Variants in ROBO1 observed in about 807,000 individuals in gnomAD.
ROBO1 encodes roundabout guidance receptor 1, also known as roundabout homolog 1.
A neutral mutation model predicts 195.9 loss-of-function variants in ROBO1; 149 were observed. That is an observed-to-expected ratio of 0.76 (90% CI 0.67 to 0.87). The LOEUF (loss-of-function observed/expected upper bound fraction) is 0.87. Among genes scored for constraint, ROBO1 ranks in the 40% least tolerant of loss-of-function variants. The pLI, the probability that ROBO1 is intolerant of heterozygous loss-of-function variation, is 0.00. For missense variants in ROBO1, 1,933 were observed against 2,068.3 expected, an observed-to-expected ratio of 0.93 and a Z score of 1.27; for synonymous variants, 816 against 733.2, an observed-to-expected ratio of 1.11 and a Z score of -1.82.
At chr3:79,175,905 T>G (rs1277280279) in intron 2 of ROBO1, among the ~76,000 whole-genome samples, 1 of 152,150 alleles carries the variant, frequency 6.6e-6, no homozygotes, top group Non-Finnish European at 1.5e-5. Flanking sequence ...CTGAGAAAAA[T>G]AAAAATTACA....
chr3:78,881,080 G>C (rs1436887171), intron 4 of ROBO1, among the ~76,000 whole-genome samples: 1 of 152,174 alleles, frequency 6.6e-6, no homozygotes, highest in African/African-American at 2.4e-5. Flanking sequence ...CAGATGCGGG[G>C]ATGCTGCTTA....
At position 78,717,849 on chromosome 3, in the gene ROBO1, C is replaced by A; in HGVS notation, c.692G>T (p.Arg231Leu). Residue 231 changes from arginine (R) to leucine (L), a missense_variant, in exon 6 of 31, where the codon CGT becomes CTT. Physicochemically the swap from Arg to Leu is moderately radical, Grantham distance 102. Transcript: ENST00000464233. The part of the protein sequence containing the change: ...RGGKLMITYT[R>L]KSDAGKYVCV... ...AACATATTTGCCAGCGTCACTTTTA[C>A]GGGTGTAAGTGATCATGAGCTTTCC... 6.2e-7 allele frequency: 1 copy of A among 1,613,522 alleles called. No homozygotes were observed.
intron 2 of ROBO1, among the ~76,000 whole-genome samples, chr3:79,175,603 C>A (rs1387874795): frequency 6.6e-6 from 1 of 152,216 alleles, no homozygotes; most frequent in Non-Finnish European, 1.5e-5. Flanking sequence ...TTGCTTATTA[C>A]AATTCTTACT....
At chr3:79,168,278 C>T (rs1278750767) in intron 2 of ROBO1, among the ~76,000 whole-genome samples, 1 of 152,086 alleles carries the variant, frequency 6.6e-6, no homozygotes, top group African/African-American at 2.4e-5. Flanking sequence ...TACTTTGATG[C>T]TGAGTCAGGA....
rs151149379 is a variant in ROBO1 at position 79,722,276 on chromosome 3, C to G, written c.-51+45476G>C. ...GGAAAACTGCACTATCAATTGACCT[C>G]TCATACATCTTTAGAAATCTAAGCT... On this transcript the variant is annotated intron_variant, in intron 1 of 30. Transcript: ENST00000464233. Among the ~76,000 whole-genome samples, 1,424 of 152,316 alleles carry G rather than the reference C, an allele frequency of 9.3e-3. 12 individuals carry two copies. Among genetic ancestry groups the G allele is most frequent in the Middle Eastern group, 0.034 (10 of 294 alleles).
At chr3:79,247,839 T>C (rs1196541133) in intron 2 of ROBO1, among the ~76,000 whole-genome samples, 1 of 152,056 alleles carries the variant, frequency 6.6e-6, no homozygotes, top group Non-Finnish European at 1.5e-5. Context: ...GCAGAAGGAC[T>C]TATTTAAACT....
chr3:79,342,582 T>C (rs973465705), intron 2 of ROBO1, among the ~76,000 whole-genome samples: 39 of 152,212 alleles, frequency 2.6e-4, no homozygotes, highest in Non-Finnish European at 5.9e-5. Context: ...CTATGTGATA[T>C]GTTTTAACAT....
chr3:78,791,618 G>A (rs1159802793), intron 4 of ROBO1, among the ~76,000 whole-genome samples: 1 of 152,096 alleles, frequency 6.6e-6, no homozygotes, highest in Non-Finnish European at 1.5e-5. Flanking sequence ...ATGAGCTTCA[G>A]ACTCCTAAAA....
chr3:79,698,632 C>A (rs1357125202), intron 1 of ROBO1, among the ~76,000 whole-genome samples: 1 of 151,440 alleles, frequency 6.6e-6, no homozygotes, highest in African/African-American at 2.4e-5. Context: ...ATTTAGTTAA[C>A]AAAGAGGCAG....
At chr3:79,711,227 T>C (rs1012861011) in intron 1 of ROBO1, among the ~76,000 whole-genome samples, 4 of 152,138 alleles carry the variant, frequency 2.6e-5, no homozygotes, top group African/African-American at 9.7e-5. Context: ...ATAGAACTCA[T>C]TGAACTCTGT....
chr3:79,116,637 C>A (rs943350581), intron 3 of ROBO1, among the ~76,000 whole-genome samples: 3 of 151,478 alleles, frequency 2.0e-5, no homozygotes, highest in Non-Finnish European at 4.4e-5. Flanking sequence ...CCTGCTTCAG[C>A]CTCTCAAGTA....
chr3:79,705,791 G>A (rs1315442465), intron 1 of ROBO1, among the ~76,000 whole-genome samples: 5 of 152,106 alleles, frequency 3.3e-5, no homozygotes, highest in Middle Eastern at 3.4e-3. Flanking sequence ...TGATAATATC[G>A]AGTCTTCATA....
intron 1 of ROBO1, among the ~76,000 whole-genome samples, chr3:79,757,605 G>A (rs751779367): frequency 6.6e-5 from 10 of 151,808 alleles, no homozygotes; most frequent in East Asian, 1.9e-4. Context: ...CTTGAGCCCC[G>A]GAGTTCAAGG....
chr3:78,854,784 T>TA (rs1013152803), intron 4 of ROBO1, among the ~76,000 whole-genome samples: 2 of 152,056 alleles, frequency 1.3e-5, no homozygotes, highest in East Asian at 1.9e-4. Context: ...GAAATTTGTC[T>TA]AAAAAAATGC....
intron 2 of ROBO1, among the ~76,000 whole-genome samples, chr3:79,365,853 C>T (rs1000641872): frequency 2.7e-5 from 4 of 149,738 alleles, no homozygotes; most frequent in East Asian, 2.0e-4. Context: ...GCCGAGATCG[C>T]GCCACTGCAC....
chr3:78,747,338 AAAT>A (rs1474545686), intron 4 of ROBO1, among the ~76,000 whole-genome samples: 9 of 152,214 alleles, frequency 5.9e-5, no homozygotes. Context: ...TAAAAGAAAA[AAAT>A]AAGATACTTC....
chr3:78,978,100 T>A (rs757040220), intron 3 of ROBO1, among the ~76,000 whole-genome samples: 8 of 152,182 alleles, frequency 5.3e-5, no homozygotes, highest in Non-Finnish European at 1.2e-4. Context: ...GTCTAGTTAG[T>A]TAAAGATTTC....
chr3:79,024,673 T>C (rs1254244054), intron 3 of ROBO1, among the ~76,000 whole-genome samples: 2 of 152,206 alleles, frequency 1.3e-5, no homozygotes, highest in South Asian at 2.1e-4. Flanking sequence ...CCAGAGAGGA[T>C]AGTTATGAGA....
chr3:78,663,492 G>A (rs542833965), intron 14 of ROBO1, among the ~76,000 whole-genome samples: 1 of 152,100 alleles, frequency 6.6e-6, no homozygotes, highest in East Asian at 1.9e-4. Flanking sequence ...GGTCTCAATT[G>A]CTCCTACGAC....
Sources: gnomAD v4.1 joint callset for allele counts (sites outside exome capture counted in the v4.1 genomes callset) on GRCh38, gnomAD v4.1.1 for gene constraint, MANE v1.5 for transcripts, NCBI Gene and HGNC (gene_info 2026-07-23, HGNC 2026-07-21) for gene names.